The following AXIN2 variants were observed in gnomAD, a reference collection of about 807,000 sequenced individuals.
The protein encoded by AXIN2 is axin 2, also known as axin-2.
Under a neutral mutation model 74.7 loss-of-function variants are expected in AXIN2, and 21 were observed. The ratio of observed to expected loss-of-function variants is 0.28; its 90% CI spans 0.20 to 0.40. The LOEUF is 0.40. Ranked by LOEUF, AXIN2 falls within the 10% of genes least tolerant of loss-of-function variation. The probability of loss-of-function intolerance (pLI) is 1.00; values close to 1 mark genes in which losing one functional copy is unlikely to be tolerated. For synonymous variants in AXIN2, 532 were observed against 454.9 expected (o/e 1.17, Z -2.16); for missense variants, 1,144 against 1,111.1 (o/e 1.03, Z -0.42).
chr17:65,549,537 G>A lies in AXIN2; in HGVS notation c.939C>T (p.Ser313=), dbSNP rs1381934549. The part of the protein sequence containing the change: ...SSDALTDDSM[S]MTDSSVDGIP... ...ATACTCACACACTGCTGTCCGTCAT[G>A]GACATGGAATCATCCGTCAGCGCAT... The change falls in exon 3 of 11, where the codon TCC becomes TCT. Residue 313 remains serine, a synonymous_variant. Coordinates refer to ENST00000307078, the MANE Select transcript of AXIN2 (RefSeq NM_004655.4). 1 of 1,612,572 alleles carries A rather than the reference G, an allele frequency of 6.2e-7. No individual in the cohort carries two copies. The highest frequency in any genetic ancestry group is 1.3e-5 in the African/African-American group (1 of 75,016).
Position 65,541,529 on chromosome 17 carries a change from T to C in AXIN2, c.985A>G (p.Ser329Gly). ...VDGIPPYRVG[S>G]KKQLQREMHR... ...ATTTCTCTCTGGAGCTGTTTCTTAC[T>C]GCCCACACGATAAGGAGGAATTCCA... The change falls in exon 4 of 11, where the codon AGT (serine) becomes GGT (glycine). Residue 329 changes from serine to glycine, a missense_variant. By Grantham distance (56) the Ser-to-Gly change is moderately conservative. Coordinates refer to ENST00000307078, the MANE Select transcript of AXIN2 (RefSeq NM_004655.4). The C allele has an allele frequency of 1.2e-6, 2 of 1,614,160 alleles. No individual in the cohort carries two copies. The highest frequency in any genetic ancestry group is 2.2e-5 in the South Asian group (2 of 91,082).
intron 3 of AXIN2, among the ~76,000 whole-genome samples, chr17:65,541,886 C>T (rs1276558292): frequency 6.6e-6 from 1 of 152,206 alleles, no homozygotes; most frequent in Non-Finnish European, 1.5e-5. Flanking sequence ...GCAAAGGCTC[C>T]CCTATTTTAC....
At chr17:65,533,070 T>G (rs2043851185) in intron 10 of AXIN2, among the ~76,000 whole-genome samples, 1 of 152,132 alleles carries the variant, frequency 6.6e-6, no homozygotes, top group African/African-American at 2.4e-5. Context: ...ACGAGGGAAA[T>G]GATCAAGAGA....
chr17:65,560,381 G>A (rs1347895769), intron 1 of AXIN2: 4 of 151,786 alleles, frequency 2.6e-5, no homozygotes, highest in Non-Finnish European at 5.9e-5. Flanking sequence ...AAAAGGGGAG[G>A]GGGAAGAGAA....
intron 2 of AXIN2, among the ~76,000 whole-genome samples, chr17:65,554,832 G>A (rs570827053): frequency 6.6e-6 from 1 of 152,302 alleles, no homozygotes; most frequent in South Asian, 2.1e-4. Flanking sequence ...TGTGCACCCA[G>A]CACCTTATTC....
At chr17:65,560,882 C>G (rs1479372617) in intron 1 of AXIN2, 1 of 149,376 alleles carries the variant, frequency 6.7e-6, no homozygotes. Context: ...GGCAGGGGCC[C>G]GGCCCCGGCC....
rs1211367709 is a variant in AXIN2, at chr17:65,558,591, GA to G, written c.29del (p.Leu10ProfsTer66). The part of the protein sequence containing the change: MSSAMLVTC[L>X]PDPSSSFRED... Reference sequence around the variant, plus strand: ...CACGGAAGCTGCTGCTGGGGTCCGGGAGGCAAGTCACCAACATAGCGCTACT... The same window carrying G: ...CACGGAAGCTGCTGCTGGGGTCCGGGGGCAAGTCACCAACATAGCGCTACT... On this transcript the variant is annotated frameshift_variant, in exon 2 of 11. Transcript: ENST00000307078. LOFTEE classifies it high-confidence loss of function. 6.2e-7 allele frequency: 1 copy of G among 1,609,934 alleles called. No individual in the cohort carries two copies. The highest frequency in any genetic ancestry group is 8.5e-7 in the Non-Finnish European group (1 of 1,180,004).
At position 65,549,610 on chromosome 17, in the gene AXIN2, T is replaced by C. The variant is rs1060502148; in HGVS notation, c.866A>G (p.Tyr289Cys). Residue 289 changes from tyrosine to cysteine, a missense_variant, in exon 3 of 11, where the codon TAT becomes TGT. Physicochemically the swap from Tyr to Cys is radical, Grantham distance 194 (BLOSUM62 -2). Coordinates refer to ENST00000307078, the MANE Select transcript of AXIN2 (RefSeq NM_004655.4). ...PVNPYHIGSG[Y>C]VFAPATSAND... ...GGCGCTGGTGGCTGGTGCAAAGACATAGCCAGAACCTATGTGATAAGGATT... is the reference window on the plus strand; with the variant it reads ...GGCGCTGGTGGCTGGTGCAAAGACACAGCCAGAACCTATGTGATAAGGATT... The C allele has an allele frequency of 1.9e-6, 3 of 1,606,192 alleles. No individual in the cohort carries two copies. Among genetic ancestry groups the C allele is most frequent in the Non-Finnish European group, 2.6e-6 (3 of 1,176,102 alleles).
Position 65,553,096 on chromosome 17 carries a change from A to G in AXIN2, c.816-3436T>C, listed in dbSNP as rs370902573. Among the ~76,000 whole-genome samples the G allele has an allele frequency of 7.9e-5, 12 of 152,334 alleles. No homozygotes were observed. In the East Asian group the frequency reaches 1.7e-3, roughly 22 times the overall value. ...TTTCTCAACTGCCCTAATTTCCTTC[A>G]TCATCTTTATCATGATCTATAATGA... is the stretch of plus-strand genomic sequence containing the variant. On this transcript the variant is annotated intron_variant, in intron 2 of 10. Transcript: ENST00000307078.
At chr17:65,543,842 A>ACT (rs2044077562) in intron 3 of AXIN2, among the ~76,000 whole-genome samples, 1 of 152,146 alleles carries the variant, frequency 6.6e-6, no homozygotes, top group Non-Finnish European at 1.5e-5. Context: ...ACCACCTAGT[A>ACT]CTCACTAGCT....
chr17:65,538,063 C>G, intron 5 of AXIN2, 140 bp downstream of exon 5: 1 of 1,488,446 alleles, frequency 6.7e-7, no homozygotes, highest in African/African-American at 1.4e-5. Flanking sequence ...CGCCCAGGCA[C>G]ACACCCACAC....
chr17:65,553,854 G>GC (rs1343496562), intron 2 of AXIN2, among the ~76,000 whole-genome samples: 2 of 149,272 alleles, frequency 1.3e-5, no homozygotes, highest in Non-Finnish European at 3.0e-5. Flanking sequence ...AGGCGGGGGG[G>GC]GGGGGAGGAA....
chr17:65,548,531 A>G (rs2044146893), intron 3 of AXIN2, among the ~76,000 whole-genome samples: 1 of 152,250 alleles, frequency 6.6e-6, no homozygotes, highest in South Asian at 2.1e-4. Flanking sequence ...ACTCCAAAAC[A>G]TTGAAAAGCT....
intron 9 of AXIN2, 51 bp from the exon 10 acceptor site, chr17:65,534,130 A>T: frequency 6.2e-7 from 1 of 1,605,084 alleles, no homozygotes; most frequent in South Asian, 1.1e-5. Context: ...GCAGACACAC[A>T]TCTAAAGCAA....
intron 3 of AXIN2, among the ~76,000 whole-genome samples, chr17:65,541,904 C>T (rs1598104684): frequency 6.6e-6 from 1 of 152,218 alleles, no homozygotes; most frequent in Non-Finnish European, 1.5e-5. Flanking sequence ...TACAGGTGCC[C>T]TAAGTAGGAG....
rs1555583744 is a variant in AXIN2, at chr17:65,558,508, G to A, written c.113C>T (p.Pro38Leu). The A allele has an allele frequency of 6.2e-7, 1 of 1,613,388 alleles. No homozygotes were observed. The highest frequency in any genetic ancestry group is 1.1e-5 in the South Asian group (1 of 91,034). Residue 38 changes from proline to leucine, a missense_variant, in exon 2 of 11, where the codon CCA becomes CTA. By Grantham distance (98) the Pro-to-Leu change is moderately conservative. Around this residue, in one of 4 missense-constraint regions of AXIN2, gnomAD observed 1,053 missense variants for 973.5 expected, o/e 1.08. Transcript: ENST00000307078. Reference protein sequence around the residue: ...GEEGETPPCQPGVGKGQVTKP... With the variant: ...GEEGETPPCQLGVGKGQVTKP... ...GGTGACCTGGCCCTTGCCCACCCCT[G>A]GCTGACACGGTGGGGTCTCCCCTTC...
Position 65,535,640 on chromosome 17 carries a change from G to A in AXIN2, c.2223C>T (p.Ser741=). Residue 741 remains serine (S), a synonymous_variant, in exon 9 of 11, where the codon AGC becomes AGT. Coordinates refer to ENST00000307078, the MANE Select transcript of AXIN2 (RefSeq NM_004655.4). ...QTGATPFSNP[S]LAPEDHKEPK... ...AAGACACTCACTCTTCTGGAGCCAG[G>A]CTTGGATTGGAGAAGGGTGTGGCTC... 2 of 1,614,128 alleles carry A rather than the reference G, an allele frequency of 1.2e-6. No individual in the cohort carries two copies. Among genetic ancestry groups the A allele is most frequent in the Non-Finnish European group, 1.7e-6 (2 of 1,179,978 alleles).
At chr17:65,538,047 AGCCCAC>A in intron 5 of AXIN2, 150 bp downstream of exon 5, 1 of 1,421,852 alleles carries the variant, frequency 7.0e-7, no homozygotes, top group Non-Finnish European at 9.6e-7. Flanking sequence ...ATGCGCACAC[AGCCCAC>A]GCCCAGGCAC....
chr17:65,545,408 G>T (rs1480904352), intron 3 of AXIN2, among the ~76,000 whole-genome samples: 1 of 152,102 alleles, frequency 6.6e-6, no homozygotes, highest in Non-Finnish European at 1.5e-5. Context: ...AATTTTTTTT[G>T]GCAGGTTGTG....
Sources: gnomAD v4.1 joint callset for allele counts (sites outside exome capture counted in the v4.1 genomes callset) on GRCh38, gnomAD v4.1.1 for gene constraint, gnomAD v4.1.1 regional missense constraint, MANE v1.5 for transcripts, NCBI Gene and HGNC (gene_info 2026-07-23, HGNC 2026-07-21) for gene names.